The following GRAMD2A variants were observed in gnomAD, a reference collection of about 807,000 sequenced individuals.
The protein encoded by GRAMD2A is GRAM domain containing 2A.
A neutral mutation model predicts 51.1 loss-of-function variants in GRAMD2A; 37 were observed. The ratio of observed to expected loss-of-function variants is 0.72; its 90% confidence interval spans 0.56 to 0.95. The LOEUF is 0.95. Among genes scored for constraint, GRAMD2A ranks in the 40% least tolerant of loss-of-function variants. GRAMD2A has a pLI of 0.00. For synonymous variants in GRAMD2A, 136 were observed against 157.1 expected, an observed-to-expected ratio of 0.87 and a Z score of 1.01; for missense variants, 414 against 426.9, an observed-to-expected ratio of 0.97 and a Z score of 0.27.
chr15:72,163,922 C>T (rs897711266), intron 8 of GRAMD2A, 165 bp from the exon 9 acceptor site: 2 of 631,880 alleles, frequency 3.2e-6, no homozygotes, highest in Non-Finnish European at 5.3e-6. Context: ...GCTATAGCAA[C>T]CATATGCCTC....
intron 1 of GRAMD2A, among the ~76,000 whole-genome samples, chr15:72,192,076 A>C (rs1004141608): frequency 6.6e-6 from 1 of 152,230 alleles, no homozygotes; most frequent in African/African-American, 2.4e-5. Context: ...TCTTTTATAG[A>C]TATACATTGA....
intron 1 of GRAMD2A, among the ~76,000 whole-genome samples, chr15:72,187,318 T>C (rs940530745): frequency 1.3e-5 from 2 of 151,760 alleles, no homozygotes; most frequent in Non-Finnish European, 1.5e-5. Flanking sequence ...TTTGAACTTA[T>C]ACTAACAGGT....
intron 1 of GRAMD2A, among the ~76,000 whole-genome samples, chr15:72,192,378 A>T (rs2081774016): frequency 6.6e-6 from 1 of 152,252 alleles, no homozygotes; most frequent in African/African-American, 2.4e-5. Flanking sequence ...GGGTTATTTT[A>T]AAATAAAATT....
In GRAMD2A at chr15:72,165,390, CAG is replaced by C. The variant is rs1275894526; in HGVS notation, c.562_563del (p.Leu188GlufsTer10). On this transcript the variant is annotated frameshift_variant, in exon 8 of 12. Coordinates refer to ENST00000309731, the MANE Select transcript of GRAMD2A (RefSeq NM_001012642.3). LOFTEE classifies it high-confidence loss of function. Reference sequence around the variant, plus strand: ...GTTCCCCTGAAAATTCTCTTACACTCAGACTCTTCTTGCTGGAAGGCTGAGGA... The same window carrying C: ...GTTCCCCTGAAAATTCTCTTACACTCACTCTTCTTGCTGGAAGGCTGAGGA... ...THLQPSSKKS[L>X]SVREFSGEPE... is the part of the protein sequence containing the mutation. The C allele has an allele frequency of 6.2e-7, 1 of 1,613,992 alleles. No homozygotes were observed. Among genetic ancestry groups the C allele is most frequent in the Non-Finnish European group, 8.5e-7 (1 of 1,180,024 alleles).
At chr15:72,165,529 T>G (rs1013017100) in intron 7 of GRAMD2A, 119 bp from the exon 8 acceptor site, 1 of 976,740 alleles carries the variant, frequency 1.0e-6, no homozygotes, top group Non-Finnish European at 1.6e-6. Context: ...TTGTGTCAGG[T>G]GAAGCCCAGC....
chr15:72,165,490 A>G, intron 7 of GRAMD2A, 80 bp from the exon 8 acceptor site: 1 of 1,386,484 alleles, frequency 7.2e-7, no homozygotes, highest in Non-Finnish European at 1.0e-6. Flanking sequence ...AGCCCTCTCC[A>G]AGAGAGCTTT....
chr15:72,168,679 C>T (rs1294445132), intron 3 of GRAMD2A, 113 bp from the exon 4 acceptor site: 5 of 890,636 alleles, frequency 5.6e-6, no homozygotes, highest in Non-Finnish European at 1.9e-6. Flanking sequence ...GGGGACTTAG[C>T]ATGAGGCAGC....
rs1287393733 is a variant in GRAMD2A, at chr15:72,166,089, G to A, written c.543+543C>T. 2.0e-5 allele frequency among the ~76,000 whole-genome samples: 3 copies of A among 152,080 alleles called. No individual in the cohort carries two copies. Among genetic ancestry groups the A allele is most frequent in the Admixed American group, 1.3e-4 (2 of 15,264 alleles). On this transcript the variant is annotated intron_variant, in intron 7 of 11. Transcript: ENST00000309731. The surrounding 1 kb of genome is among the most constrained non-coding windows in gnomAD (Gnocchi z 4.1). ...TCACTACGTTGGCCAGGCTGGTCTCGAACTCTTGACCTCAGGTGATCCACC... is the reference window on the plus strand; with the variant it reads ...TCACTACGTTGGCCAGGCTGGTCTCAAACTCTTGACCTCAGGTGATCCACC...
At chr15:72,165,215 T>A in intron 8 of GRAMD2A, 139 bp downstream of exon 8, 1 of 728,656 alleles carries the variant, frequency 1.4e-6, no homozygotes, top group Non-Finnish European at 2.4e-6. Flanking sequence ...GTTTAAGAGA[T>A]GCCCTGGCAT....
chr15:72,175,277 C>A (rs1161125860), intron 1 of GRAMD2A, among the ~76,000 whole-genome samples: 2 of 152,180 alleles, frequency 1.3e-5, no homozygotes, highest in Non-Finnish European at 2.9e-5. Flanking sequence ...GCTCCCTGAC[C>A]AAAACTGCCT....
chr15:72,181,797 T>G (rs2081698987), intron 1 of GRAMD2A, among the ~76,000 whole-genome samples: 1 of 152,034 alleles, frequency 6.6e-6, no homozygotes, highest in African/African-American at 2.4e-5. Flanking sequence ...GTGAGAGACA[T>G]TTAAGTGGAG....
chr15:72,167,603 C>T (rs537183423), intron 5 of GRAMD2A, 133 bp downstream of exon 5: 9 of 721,254 alleles, frequency 1.2e-5, no homozygotes, highest in Admixed American at 7.5e-5. Context: ...CTCGAAGCTG[C>T]GCATCCAACC....
intron 1 of GRAMD2A, among the ~76,000 whole-genome samples, chr15:72,182,883 T>C (rs572509168): frequency 5.9e-5 from 9 of 152,322 alleles, no homozygotes; most frequent in African/African-American, 2.2e-4. Flanking sequence ...GTGAATATAC[T>C]TAACACTACT....
chr15:72,166,805 A>T lies in GRAMD2A; in HGVS notation c.472-102T>A. 1 of 1,066,964 alleles carries T rather than the reference A, an allele frequency of 9.4e-7. No individual in the cohort carries two copies. The highest frequency in any genetic ancestry group is 1.4e-6 in the Non-Finnish European group (1 of 696,758). 66.1% of individuals were successfully genotyped at this position (1,066,964 alleles called of 1,614,324 possible). A position where few individuals can be genotyped will look rare whatever the true frequency, so the allele number is the denominator to read the frequency against. On this transcript the variant is annotated intron_variant, in intron 6 of 11. Coordinates refer to ENST00000309731, the MANE Select transcript of GRAMD2A (RefSeq NM_001012642.3). This position sits in a 1 kb window ranked among gnomAD's most constrained non-coding sequence, Gnocchi z 4.1. Reference sequence around the variant, plus strand: ...TTGGGCACAGGCCCACAGGGGTATCAGGCCATGAGAGCCAACAGAAGCTCT... The same window carrying T: ...TTGGGCACAGGCCCACAGGGGTATCTGGCCATGAGAGCCAACAGAAGCTCT...
At chr15:72,169,374 G>A in intron 2 of GRAMD2A, 2 of 464,838 alleles carry the variant, frequency 4.3e-6, no homozygotes, top group South Asian at 3.5e-5. Flanking sequence ...TGCTGGAATA[G>A]GGACAGTTTG....
rs2081473159 is a variant in GRAMD2A at position 72,161,346 on chromosome 15, A to G, written c.*663T>C. On this transcript the variant is annotated 3_prime_UTR_variant, in exon 12 of 12. Transcript: ENST00000309731. ...TCCGCCGTGGGCAGCATCTCCCCATAATGCAGCCAGCCACCTCATGAGGGG... is the reference window on the plus strand; with the variant it reads ...TCCGCCGTGGGCAGCATCTCCCCATGATGCAGCCAGCCACCTCATGAGGGG... 6.6e-6 allele frequency: 1 copy of G among 152,574 alleles called. No homozygotes were observed. The highest frequency in any genetic ancestry group is 2.1e-4 in the South Asian group (1 of 4,840). 9.5% of individuals were successfully genotyped at this position (152,574 alleles called of 1,614,324 possible).
At chr15:72,191,439 G>A (rs1397749226) in intron 1 of GRAMD2A, among the ~76,000 whole-genome samples, 1 of 152,118 alleles carries the variant, frequency 6.6e-6, no homozygotes, top group Non-Finnish European at 1.5e-5. Context: ...CTGACCTCAG[G>A]TGATCCGCCT....
Position 72,163,756 on chromosome 15 carries a change from TC to T in GRAMD2A, c.601del (p.Glu201LysfsTer7). 1 of 1,609,356 alleles carries T rather than the reference TC, an allele frequency of 6.2e-7. No individual in the cohort carries two copies. The highest frequency in any genetic ancestry group is 2.2e-5 in the East Asian group (1 of 44,868). On this transcript the variant is annotated frameshift_variant and splice_region_variant, in exon 9 of 12. Transcript: ENST00000309731. LOFTEE classifies it high-confidence loss of function. Reference sequence around the variant, plus strand: ...CCACTTCATCTCAGGGATGAGGACTTCCTGCAGTAAGACAGGAGAAGCTATC... The same window carrying T: ...CCACTTCATCTCAGGGATGAGGACTTCTGCAGTAAGACAGGAGAAGCTATC... The part of the protein sequence containing the change: ...REFSGEPESL[E>X]VLIPEMKWRK...
chr15:72,164,584 T>G (rs1290124788), intron 8 of GRAMD2A, among the ~76,000 whole-genome samples: 1 of 152,068 alleles, frequency 6.6e-6, no homozygotes, highest in Non-Finnish European at 1.5e-5. Flanking sequence ...TTTTGTATTT[T>G]TATTGAGACA....
Sources: gnomAD v4.1 joint callset for allele counts (sites outside exome capture counted in the v4.1 genomes callset) on GRCh38, gnomAD v4.1.1 for gene constraint, Gnocchi (gnomAD v3.1) non-coding constraint, MANE v1.5 for transcripts, NCBI Gene and HGNC (gene_info 2026-07-23, HGNC 2026-07-21) for gene names.